PPP3CA: variants seen among roughly 807,000 people sequenced by gnomAD.
The protein encoded by PPP3CA is protein phosphatase 3 catalytic subunit alpha.
A neutral mutation model predicts 66.5 loss-of-function variants in PPP3CA; 14 were observed. That is an observed-to-expected ratio of 0.21 (90% CI 0.14 to 0.33). The LOEUF (loss-of-function observed/expected upper bound fraction) is 0.33, where lower values mean the gene tolerates loss of function less well. Among genes scored for constraint, PPP3CA ranks in the 10% least tolerant of loss-of-function variants. PPP3CA has a pLI of 1.00. For missense variants in PPP3CA, 317 were observed against 639.5 expected, an observed-to-expected ratio of 0.50 and a Z score of 5.44; for synonymous variants, 232 against 226.2, an observed-to-expected ratio of 1.03 and a Z score of -0.23.
rs146123923 is a variant in PPP3CA, at chr4:101,238,857, T to G, written c.59-42741A>C. On this transcript the variant is annotated intron_variant, in intron 1 of 13. Transcript: ENST00000394854. ...AATTCTTTCTCTGACCTAAGACGTT[T>G]TGAATGTCTTACACAATTATTGCTT... Among the ~76,000 whole-genome samples the G allele has an allele frequency of 1.1e-4, 16 of 152,246 alleles. No homozygotes were observed. The East Asian group carries it at 3.1e-3, about 30-fold the overall frequency.
At chr4:101,111,818 T>C (rs1263523157) in intron 2 of PPP3CA, among the ~76,000 whole-genome samples, 1 of 152,170 alleles carries the variant, frequency 6.6e-6, no homozygotes, top group Non-Finnish European at 1.5e-5. Flanking sequence ...GAAGAGTTTC[T>C]GGAGTCTAAT....
intron 1 of PPP3CA, among the ~76,000 whole-genome samples, chr4:101,327,058 G>A (rs957872445): frequency 3.9e-5 from 6 of 152,194 alleles, no homozygotes; most frequent in African/African-American, 1.4e-4. Flanking sequence ...TCTCACTGTC[G>A]GAAACCTTGT....
At chr4:101,103,411 T>C (rs1156248600) in intron 3 of PPP3CA, among the ~76,000 whole-genome samples, 3 of 152,196 alleles carry the variant, frequency 2.0e-5, no homozygotes, top group Non-Finnish European at 4.4e-5. Context: ...AGACATCACT[T>C]GCCTGGTCTG....
At chr4:101,257,869 G>C (rs1726895942) in intron 1 of PPP3CA, among the ~76,000 whole-genome samples, 1 of 152,018 alleles carries the variant, frequency 6.6e-6, no homozygotes, top group South Asian at 2.1e-4. Flanking sequence ...TATTATCTTT[G>C]TTTCCAAAAC....
At position 101,025,958 on chromosome 4, in the gene PPP3CA, G is replaced by C. The variant is rs772699276; in HGVS notation, c.1473C>G (p.Pro491=). The C allele has an allele frequency of 6.8e-6, 11 of 1,613,886 alleles. No individual in the cohort carries two copies. The South Asian group carries it at 1.1e-4, about 16-fold the overall frequency. ...TGATGGAGTTAAGGTTGGCGTCAGAGGGCATGGCATCTCTGCGAGGCGGCA... is the reference window on the plus strand; with the variant it reads ...TGATGGAGTTAAGGTTGGCGTCAGACGGCATGGCATCTCTGCGAGGCGGCA... ...ERMPPRRDAM[P]SDANLNSINK... is the part of the protein sequence containing the mutation. The change falls in exon 14 of 14, where the codon CCC becomes CCG. Residue 491 remains proline, a synonymous_variant. Transcript: ENST00000394854.
intron 2 of PPP3CA, among the ~76,000 whole-genome samples, chr4:101,146,419 A>G (rs1320258911): frequency 6.6e-6 from 1 of 152,156 alleles, no homozygotes; most frequent in Non-Finnish European, 1.5e-5. Flanking sequence ...ATTTAGGAGT[A>G]GTAGAACCAG....
At chr4:101,192,097 T>G (rs1002028077) in intron 2 of PPP3CA, among the ~76,000 whole-genome samples, 1 of 152,220 alleles carries the variant, frequency 6.6e-6, no homozygotes, top group Non-Finnish European at 1.5e-5. Context: ...CAGGAAAATA[T>G]GAGAACTTCA....
At chr4:101,217,300 G>C (rs1314424569) in intron 1 of PPP3CA, among the ~76,000 whole-genome samples, 3 of 152,078 alleles carry the variant, frequency 2.0e-5, no homozygotes, top group Non-Finnish European at 4.4e-5. Flanking sequence ...ACCTGTTCAG[G>C]TTCACTCTAC....
In PPP3CA at chr4:101,255,035, CAAAA is replaced by C. The variant is rs1163406764; in HGVS notation, c.59-58923_59-58920del. Reference sequence around the variant, plus strand: ...AACATAAGAAGCATGAGTCCCGTCTCAAAAAAAAAAAAAAAAAAAAGAAGCATGA... The same window carrying C: ...AACATAAGAAGCATGAGTCCCGTCTCAAAAAAAAAAAAAAAAGAAGCATGA... On this transcript the variant is annotated intron_variant, in intron 1 of 13. Transcript: ENST00000394854. Among the ~76,000 whole-genome samples, 446 of 44,710 alleles carry C rather than the reference CAAAA, an allele frequency of 1.0e-2. 3 individuals carry two copies. Among genetic ancestry groups the C allele is most frequent in the East Asian group, 0.057 (92 of 1,624 alleles). The allele number at this position is 44,710 out of a possible 152,430, so 29.3% of individuals were successfully genotyped here. A position where few individuals can be genotyped will look rare whatever the true frequency, so the allele number is the denominator to read the frequency against.
intron 1 of PPP3CA, among the ~76,000 whole-genome samples, chr4:101,267,088 C>G (rs1195842934): frequency 3.3e-5 from 5 of 152,148 alleles, no homozygotes; most frequent in Non-Finnish European, 4.4e-5. Flanking sequence ...CCTCAGTTAA[C>G]TAGGAATGAA....
chr4:101,242,631 T>C (rs773008606), intron 1 of PPP3CA, among the ~76,000 whole-genome samples: 1 of 152,096 alleles, frequency 6.6e-6, no homozygotes, highest in Non-Finnish European at 1.5e-5. Context: ...TATCGAAATA[T>C]GTTACATTAA....
At chr4:101,139,696 G>GTTTTTTT (rs372257350) in intron 2 of PPP3CA, among the ~76,000 whole-genome samples, 94 of 98,344 alleles carry the variant, frequency 9.6e-4, no homozygotes, top group East Asian at 1.3e-3. Flanking sequence ...TTTTTTTTGT[G>GTTTTTTT]TTTTTTTTTT....
At chr4:101,180,586 T>C (rs527732761) in intron 2 of PPP3CA, among the ~76,000 whole-genome samples, 6 of 152,288 alleles carry the variant, frequency 3.9e-5, no homozygotes, top group African/African-American at 1.4e-4. Flanking sequence ...TGAAATTTCT[T>C]ATTTTGAATC....
intron 2 of PPP3CA, among the ~76,000 whole-genome samples, chr4:101,174,674 A>G (rs1354580134): frequency 1.3e-5 from 2 of 152,190 alleles, no homozygotes; most frequent in Admixed American, 6.6e-5. Context: ...AATCTAAAAG[A>G]ATATAAAGTC....
intron 2 of PPP3CA, among the ~76,000 whole-genome samples, chr4:101,131,590 C>T (rs1298943748): frequency 6.6e-6 from 1 of 152,118 alleles, no homozygotes; most frequent in East Asian, 1.9e-4. Flanking sequence ...CAGGAGCACC[C>T]AGATTCATAA....
chr4:101,048,342 C>T (rs1259935096), intron 10 of PPP3CA, among the ~76,000 whole-genome samples: 5 of 151,750 alleles, frequency 3.3e-5, no homozygotes, highest in African/African-American at 1.2e-4. Context: ...ACAAATATTC[C>T]AGCCTGAAGA....
intron 2 of PPP3CA, among the ~76,000 whole-genome samples, chr4:101,173,718 C>T: frequency 6.6e-6 from 1 of 151,974 alleles, no homozygotes; most frequent in South Asian, 2.1e-4. Flanking sequence ...ATAATAATAA[C>T]CTCTCTGTTT....
chr4:101,295,573 T>A (rs1019804792), intron 1 of PPP3CA, among the ~76,000 whole-genome samples: 2 of 152,182 alleles, frequency 1.3e-5, no homozygotes, highest in African/African-American at 4.8e-5. Flanking sequence ...GACTCCATGA[T>A]TTAAGACCAT....
intron 2 of PPP3CA, among the ~76,000 whole-genome samples, chr4:101,152,106 A>C (rs1247411939): frequency 6.6e-6 from 1 of 152,262 alleles, no homozygotes; most frequent in Admixed American, 6.5e-5. Flanking sequence ...GAATATTTGA[A>C]GAAAGCAGAG....
Sources: allele counts gnomAD v4.1 joint callset (sites outside exome capture counted in the v4.1 genomes callset), GRCh38; gene constraint gnomAD v4.1.1; transcripts MANE v1.5; gene names NCBI Gene and HGNC (gene_info 2026-07-23, HGNC 2026-07-21).